SPATA17: variants seen among roughly 807,000 people sequenced by gnomAD.
SPATA17 encodes spermatogenesis associated 17.
A neutral mutation model predicts 62.2 loss-of-function variants in SPATA17; 53 were observed. The ratio of observed to expected loss-of-function variants is 0.85; its 90% CI spans 0.68 to 1.07. The LOEUF is 1.07. Ranked by LOEUF, SPATA17 falls within the 50% of genes least tolerant of loss-of-function variation. The probability of loss-of-function intolerance (pLI) is 0.00; values close to 1 mark genes in which losing one functional copy is unlikely to be tolerated. For missense variants in SPATA17, 466 were observed against 425.5 expected (o/e 1.10, Z -0.84); for synonymous variants, 146 against 146.8 (o/e 0.99, Z 0.04).
intron 9 of SPATA17, chr1:217,850,682 C>T: frequency 6.9e-7 from 1 of 1,452,522 alleles, no homozygotes; most frequent in Non-Finnish European, 9.5e-7. Context: ...CAGTCATGTC[C>T]AGCCACAGGA....
intron 9 of SPATA17, among the ~76,000 whole-genome samples, chr1:217,852,086 C>T (rs1477653652): frequency 6.6e-6 from 1 of 152,026 alleles, no homozygotes; most frequent in Non-Finnish European, 1.5e-5. Context: ...AAACATGTAC[C>T]CTGTTAGCTC....
intron 1 of SPATA17, among the ~76,000 whole-genome samples, chr1:217,645,467 G>A (rs978236704): frequency 6.6e-6 from 1 of 152,072 alleles, no homozygotes; most frequent in African/African-American, 2.4e-5. Flanking sequence ...TATAAAGGTA[G>A]CCAGTTGATT....
intron 5 of SPATA17, among the ~76,000 whole-genome samples, chr1:217,712,793 T>C (rs1311581914): frequency 6.6e-6 from 1 of 152,152 alleles, no homozygotes; most frequent in African/African-American, 2.4e-5. Flanking sequence ...GTGGCTCAAA[T>C]AGAGTTACAG....
At chr1:217,651,570 C>T (rs937117604) in intron 3 of SPATA17, among the ~76,000 whole-genome samples, 1 of 152,144 alleles carries the variant, frequency 6.6e-6, no homozygotes, top group African/African-American at 2.4e-5. Flanking sequence ...CAAAAAATAT[C>T]CTCATAAGGA....
intron 5 of SPATA17, among the ~76,000 whole-genome samples, chr1:217,737,399 G>A (rs1195364282): frequency 1.3e-5 from 2 of 152,132 alleles, no homozygotes; most frequent in Non-Finnish European, 2.9e-5. Flanking sequence ...TGTCATAGAT[G>A]GAAACAACTC....
At chr1:217,788,603 A>G (rs1257956287) in intron 8 of SPATA17, among the ~76,000 whole-genome samples, 1 of 152,104 alleles carries the variant, frequency 6.6e-6, no homozygotes, top group East Asian at 1.9e-4. Context: ...GAGTGATGCA[A>G]TGTGAGGAGG....
intron 9 of SPATA17, among the ~76,000 whole-genome samples, chr1:217,854,701 A>G (rs1675740543): frequency 6.6e-6 from 1 of 152,038 alleles, no homozygotes; most frequent in Admixed American, 6.6e-5. Context: ...ACTAGCTGGA[A>G]AAAAAAAGTT....
intron 9 of SPATA17, among the ~76,000 whole-genome samples, chr1:217,855,780 G>A (rs1675770538): frequency 6.8e-6 from 1 of 146,004 alleles, no homozygotes; most frequent in Non-Finnish European, 1.5e-5. Context: ...AGGCTGGAGT[G>A]CACTGGCATG....
intron 9 of SPATA17, among the ~76,000 whole-genome samples, chr1:217,844,960 G>T (rs1675490758): frequency 6.6e-6 from 1 of 152,006 alleles, no homozygotes; most frequent in Non-Finnish European, 1.5e-5. Flanking sequence ...AATTCAACTT[G>T]AAATAGCCAA....
At chr1:217,714,313 C>T (rs116270405) in intron 5 of SPATA17, among the ~76,000 whole-genome samples, 10,374 of 151,530 alleles carry the variant, frequency 0.068, 570 homozygotes, top group Non-Finnish European at 0.1. Flanking sequence ...GTCTTGAACC[C>T]GGGAGGCAGA....
intron 3 of SPATA17, among the ~76,000 whole-genome samples, chr1:217,654,680 A>G (rs1016276664): frequency 2.0e-5 from 3 of 150,334 alleles, no homozygotes; most frequent in African/African-American, 7.3e-5. Context: ...ATGCCCCCTT[A>G]TCTCTCAATA....
chr1:217,744,234 G>A (rs1457385372), intron 6 of SPATA17, among the ~76,000 whole-genome samples: 1 of 47,418 alleles, frequency 2.1e-5, no homozygotes, highest in East Asian at 3.3e-4. Context: ...AGGCCGAGGC[G>A]GGCGGATCAC....
Position 217,801,700 on chromosome 1 carries a change from C to T in SPATA17, c.873-18C>T, listed in dbSNP as rs780347364. On this transcript the variant is annotated intron_variant, in intron 8 of 10. Transcript: ENST00000366933. ...TCTAGAAATCAAGTTAAGAATAGCT[C>T]TTAAATATTTCTTTCAGGTTTTTGC... 1.3e-5 allele frequency: 21 copies of T among 1,581,520 alleles called. No individual in the cohort carries two copies. Among genetic ancestry groups the T allele is most frequent in the Non-Finnish European group, 1.8e-5 (21 of 1,164,962 alleles).
At chr1:217,654,617 C>T (rs1209134268) in intron 3 of SPATA17, among the ~76,000 whole-genome samples, 3 of 151,928 alleles carry the variant, frequency 2.0e-5, no homozygotes, top group African/African-American at 7.2e-5. Flanking sequence ...TCTCTGTATA[C>T]ATTTTTCTCT....
At chr1:217,780,596 G>T (rs531410036) in intron 7 of SPATA17, among the ~76,000 whole-genome samples, 1 of 152,130 alleles carries the variant, frequency 6.6e-6, no homozygotes, top group Non-Finnish European at 1.5e-5. Flanking sequence ...TGGCCACCAA[G>T]AAGACCATTG....
intron 9 of SPATA17, among the ~76,000 whole-genome samples, chr1:217,859,739 G>C (rs575485303): frequency 6.6e-6 from 1 of 152,246 alleles, no homozygotes; most frequent in East Asian, 1.9e-4. Flanking sequence ...CATAGGATTA[G>C]AAGTGATGGC....
intron 4 of SPATA17, among the ~76,000 whole-genome samples, chr1:217,680,734 G>C (rs1671060161): frequency 6.6e-6 from 1 of 151,520 alleles, no homozygotes; most frequent in Non-Finnish European, 1.5e-5. Flanking sequence ...AGACCAGCCT[G>C]GCCAACATGG....
intron 3 of SPATA17, among the ~76,000 whole-genome samples, chr1:217,655,548 C>G (rs180846676): frequency 6.6e-6 from 1 of 152,262 alleles, no homozygotes; most frequent in Non-Finnish European, 1.5e-5. Flanking sequence ...CATCCAATTA[C>G]GATTCTTACC....
At chr1:217,829,783 C>T (rs1426459589) in intron 9 of SPATA17, among the ~76,000 whole-genome samples, 1 of 151,228 alleles carries the variant, frequency 6.6e-6, no homozygotes, top group African/African-American at 2.4e-5. Flanking sequence ...AAATATAGGT[C>T]ATATATATTT....
Sources: gnomAD v4.1 joint callset for allele counts (sites outside exome capture counted in the v4.1 genomes callset) on GRCh38, gnomAD v4.1.1 for gene constraint, MANE v1.5 for transcripts, NCBI Gene and HGNC (gene_info 2026-07-23, HGNC 2026-07-21) for gene names.